The following CFAP97 variants were observed in gnomAD, a reference collection of about 807,000 sequenced individuals.
CFAP97 encodes the protein cilia- and flagella-associated protein 97.
CFAP97 carries 36 observed loss-of-function variants against 43.1 expected under a neutral mutation model. The ratio of observed to expected loss-of-function variants is 0.84; its 90% CI spans 0.64 to 1.10. CFAP97 has a LOEUF of 1.10. Ranked by LOEUF, CFAP97 falls within the 50% of genes least tolerant of loss-of-function variation. CFAP97 has a pLI of 0.00. For synonymous variants in CFAP97, 228 were observed against 225.7 expected (o/e 1.01, Z -0.09); for missense variants, 657 against 620.3 (o/e 1.06, Z -0.63).
At chr4:185,164,274 T>G in intron 3 of CFAP97, 95 bp from the exon 4 acceptor site, 1 of 594,568 alleles carries the variant, frequency 1.7e-6, no homozygotes, top group South Asian at 3.8e-5. Context: ...ACTTTCTTTC[T>G]TTTTTTTTTT....
intron 1 of CFAP97, among the ~76,000 whole-genome samples, chr4:185,193,341 A>G (rs1024018296): frequency 3.3e-5 from 5 of 152,234 alleles, no homozygotes; most frequent in Admixed American, 2.0e-4. Flanking sequence ...ACAATAAAAT[A>G]ATTTCCAATA....
intron 1 of CFAP97, among the ~76,000 whole-genome samples, chr4:185,203,496 T>G (rs1039901945): frequency 6.6e-6 from 1 of 152,160 alleles, no homozygotes; most frequent in Non-Finnish European, 1.5e-5. Context: ...GCTAGGCTCT[T>G]GTCTACATCC....
In CFAP97 at chr4:185,164,175, A is replaced by G; in HGVS notation, c.1325T>C (p.Leu442Ser). The G allele has an allele frequency of 6.2e-7, 1 of 1,613,590 alleles. No individual in the cohort carries two copies. Among genetic ancestry groups the G allele is most frequent in the Non-Finnish European group, 8.5e-7 (1 of 1,179,682 alleles). Residue 442 changes from leucine (L) to serine (S), a missense_variant, in exon 4 of 5, where the codon TTA becomes TCA. Transcript: ENST00000458385. ...QQRIERENLA[L>S]LKRLEAVKPT... ...TTTCACGGCCTCAAGCCTTTTCAAT[A>G]AAGCCTTCAATAAAGACAATTAATT...
chr4:185,171,808 C>T (rs577159250), intron 3 of CFAP97, among the ~76,000 whole-genome samples: 1 of 152,348 alleles, frequency 6.6e-6, no homozygotes, highest in Non-Finnish European at 1.5e-5. Context: ...GTGATCACGG[C>T]TCTCTGCAGC....
At chr4:185,179,209 G>A (rs1735682632) in intron 2 of CFAP97, among the ~76,000 whole-genome samples, 1 of 152,124 alleles carries the variant, frequency 6.6e-6, no homozygotes, top group African/African-American at 2.4e-5. Context: ...TGGATCTCAA[G>A]TTAGGGGCAT....
chr4:185,188,195 C>CTAT (rs1301489943), intron 2 of CFAP97, among the ~76,000 whole-genome samples: 1 of 151,780 alleles, frequency 6.6e-6, no homozygotes, highest in Non-Finnish European at 1.5e-5. Context: ...TGCTCGGCCG[C>CTAT]TATTATTATT....
At chr4:185,199,877 C>T (rs1285814515) in intron 1 of CFAP97, among the ~76,000 whole-genome samples, 6 of 152,126 alleles carry the variant, frequency 3.9e-5, no homozygotes, top group Non-Finnish European at 8.8e-5. Flanking sequence ...TACCTGGTCA[C>T]CCAATAGCTC....
At chr4:185,184,185 C>A (rs2094281652) in intron 2 of CFAP97, among the ~76,000 whole-genome samples, 1 of 152,138 alleles carries the variant, frequency 6.6e-6, no homozygotes, top group African/African-American at 2.4e-5. Context: ...TTAGCTCTTA[C>A]CTTAGTTTTA....
chr4:185,202,796 C>A (rs906820547), intron 1 of CFAP97, among the ~76,000 whole-genome samples: 1 of 152,136 alleles, frequency 6.6e-6, no homozygotes. Flanking sequence ...TTAATAATAT[C>A]CAACAGAGTT....
Position 185,162,866 on chromosome 4 carries a change from C to T in CFAP97, c.1531G>A (p.Val511Ile). ...CGAGGGTGGCCACTGGAGGGGTCAA[C>T]CGCTGATCGCTCACTCCTACAACTG... is the stretch of plus-strand genomic sequence containing the variant. Reference protein sequence around the residue: ...GLSCRSERSAVDPSSGHPRRR... With the variant: ...GLSCRSERSAIDPSSGHPRRR... Residue 511 changes from valine (V) to isoleucine (I), a missense_variant, in exon 5 of 5, where the codon GTT becomes ATT. Coordinates refer to ENST00000458385, the MANE Select transcript of CFAP97 (RefSeq NM_020827.3). The T allele has an allele frequency of 6.2e-7, 1 of 1,612,066 alleles. No homozygotes were observed. Among genetic ancestry groups the T allele is most frequent in the Non-Finnish European group, 8.5e-7 (1 of 1,179,216 alleles).
chr4:185,163,461 G>A (rs2111308500), intron 4 of CFAP97, among the ~76,000 whole-genome samples: 1 of 152,118 alleles, frequency 6.6e-6, no homozygotes, highest in Non-Finnish European at 1.5e-5. Context: ...TTCTGTAAAG[G>A]ACACTGGCCT....
At chr4:185,200,767 A>G (rs1252018728) in intron 1 of CFAP97, among the ~76,000 whole-genome samples, 2 of 152,138 alleles carry the variant, frequency 1.3e-5, no homozygotes, top group African/African-American at 4.8e-5. Context: ...AGCCTGGGTG[A>G]CAGAACAAGA....
chr4:185,181,051 G>A (rs1419994984), intron 2 of CFAP97, among the ~76,000 whole-genome samples: 1 of 151,964 alleles, frequency 6.6e-6, no homozygotes, highest in African/African-American at 2.4e-5. Context: ...TGTTTTGCAA[G>A]TCGTTTAATG....
In CFAP97 at chr4:185,190,658, G is replaced by A. The variant is rs189942693; in HGVS notation, c.539C>T (p.Ser180Leu). The A allele has an allele frequency of 1.3e-6, 2 of 1,582,116 alleles. No individual in the cohort carries two copies. The highest frequency in any genetic ancestry group is 2.3e-5 in the East Asian group (1 of 43,928). ...SSSSSSSLSS[S>L]SSGSGTDCLD... ...ACAATCTGTACCTGAACCTGAAGAT[G>A]AGGAAGATAAAGAGGAGGAGGAAGA... Residue 180 changes from serine to leucine, a missense_variant, in exon 2 of 5, where the codon TCA becomes TTA. Physicochemically the swap from Ser to Leu is moderately radical, Grantham distance 145. Transcript: ENST00000458385.
Position 185,196,618 on chromosome 4 carries a change from C to G in CFAP97, c.-16-5406G>C, listed in dbSNP as rs118095392. ...TCTCAGGCAAGGGTTGGAAATGCCACTGATCTATGGAGATAAAAAGCTTTC... is the reference window on the plus strand; with the variant it reads ...TCTCAGGCAAGGGTTGGAAATGCCAGTGATCTATGGAGATAAAAAGCTTTC... On this transcript the variant is annotated intron_variant, in intron 1 of 4. Transcript: ENST00000458385. 4.6e-5 allele frequency among the ~76,000 whole-genome samples: 7 copies of G among 152,200 alleles called. No individual in the cohort carries two copies. The East Asian group carries it at 1.4e-3, about 29-fold the overall frequency.
At chr4:185,182,887 G>T (rs980012491) in intron 2 of CFAP97, among the ~76,000 whole-genome samples, 5 of 151,656 alleles carry the variant, frequency 3.3e-5, no homozygotes, top group African/African-American at 1.2e-4. Context: ...ATCATCTGAG[G>T]TCAGGAGTTC....
At chr4:185,169,619 A>T (rs1735214048) in intron 3 of CFAP97, 1 of 984,762 alleles carries the variant, frequency 1.0e-6, no homozygotes, top group African/African-American at 1.7e-5. Context: ...TTGGAAAAAA[A>T]ATTAACCTAG....
Position 185,191,017 on chromosome 4 carries a change from T to C in CFAP97, c.180A>G (p.Thr60=). 6.2e-7 allele frequency: 1 copy of C among 1,613,690 alleles called. No individual in the cohort carries two copies. The highest frequency in any genetic ancestry group is 8.5e-7 in the Non-Finnish European group (1 of 1,179,698). The stretch of plus-strand genomic sequence containing the variant: ...TTCCCTTCTCAGTAAGATAATTTTC[T>C]GTTGTTTGCATTCCAGTGTTCGAAT... ...NVNSNTGMQT[T]ENYLTEKGNE... Residue 60 remains threonine, a synonymous_variant, in exon 2 of 5, where the codon ACA becomes ACG. Coordinates refer to ENST00000458385, the MANE Select transcript of CFAP97 (RefSeq NM_020827.3).
intron 1 of CFAP97, among the ~76,000 whole-genome samples, chr4:185,191,493 G>C (rs1736253473): frequency 6.6e-6 from 1 of 152,178 alleles, no homozygotes. Context: ...GGATACCTAA[G>C]TGAACCTTAA....
Sources: gnomAD v4.1 joint callset for allele counts (sites outside exome capture counted in the v4.1 genomes callset) on GRCh38, gnomAD v4.1.1 for gene constraint, MANE v1.5 for transcripts, NCBI Gene and HGNC (gene_info 2026-07-23, HGNC 2026-07-21) for gene names.